The following REDIC1 variants were observed in gnomAD, a reference collection of about 807,000 sequenced individuals.
REDIC1 encodes regulator of DNA class I crossover intermediates 1, also known as HEI10 Interacting Protein 1.
At chr12:39,830,140 C>G in the REDIC1 span, 1 of 1,613,696 alleles carries the variant, frequency 6.2e-7, no homozygotes, top group South Asian at 1.1e-5. Context: ...GCTTTATTAA[C>G]TGGAACACAG....
At chr12:39,714,048 T>G in the REDIC1 span, among the ~76,000 whole-genome samples, 1 of 147,432 alleles carries the variant, frequency 6.8e-6, no homozygotes, top group Non-Finnish European at 1.5e-5. Context: ...TATATACACA[T>G]GTATATACAC....
chr12:39,700,607 G>C, the REDIC1 span, among the ~76,000 whole-genome samples: 4 of 152,058 alleles, frequency 2.6e-5, no homozygotes, highest in Admixed American at 1.3e-4. Context: ...TACTCCTCAA[G>C]AAGAGCAACA....
chr12:39,631,191 A>G, the REDIC1 span, among the ~76,000 whole-genome samples: 4 of 152,268 alleles, frequency 2.6e-5, no homozygotes, highest in East Asian at 1.9e-4. Context: ...TGCCCGGCCT[A>G]TTGAACATTT....
chr12:39,862,496 G>A, the REDIC1 span, among the ~76,000 whole-genome samples: 1 of 152,144 alleles, frequency 6.6e-6, no homozygotes, highest in Admixed American at 6.6e-5. Flanking sequence ...AACAATTTGT[G>A]CTCCCACTAA....
At chr12:39,816,062 C>T in the REDIC1 span, among the ~76,000 whole-genome samples, 4 of 152,102 alleles carry the variant, frequency 2.6e-5, no homozygotes, top group African/African-American at 4.8e-5. Flanking sequence ...ACATTTAAAT[C>T]GATGAGGCAC....
chr12:39,735,235 C>T, the REDIC1 span, among the ~76,000 whole-genome samples: 1 of 151,996 alleles, frequency 6.6e-6, no homozygotes, highest in Non-Finnish European at 1.5e-5. Context: ...GGTCTAAGGG[C>T]CTTGAAGAGA....
At chr12:39,664,814 C>T in the REDIC1 span, among the ~76,000 whole-genome samples, 2 of 152,208 alleles carry the variant, frequency 1.3e-5, no homozygotes, top group African/African-American at 4.8e-5. Context: ...ATTTGCATTT[C>T]TCTGATGGAC....
the REDIC1 span, among the ~76,000 whole-genome samples, chr12:39,773,221 T>C: frequency 3.3e-5 from 5 of 152,188 alleles, no homozygotes; most frequent in Non-Finnish European, 4.4e-5. Flanking sequence ...ACTGCAATAA[T>C]GGGAAGCTGC....
chr12:39,805,104 C>T, the REDIC1 span, among the ~76,000 whole-genome samples: 14 of 151,010 alleles, frequency 9.3e-5, no homozygotes, highest in South Asian at 4.2e-4. Context: ...TCATCAGTGA[C>T]GACAATGGAG....
At chr12:39,798,454 A>T in the REDIC1 span, among the ~76,000 whole-genome samples, 1 of 152,280 alleles carries the variant, frequency 6.6e-6, no homozygotes, top group Non-Finnish European at 1.5e-5. Context: ...AGTAACTGAA[A>T]GCAAAAGGAG....
At chr12:39,716,074 G>T in the REDIC1 span, among the ~76,000 whole-genome samples, 2 of 151,822 alleles carry the variant, frequency 1.3e-5, no homozygotes, top group Admixed American at 1.3e-4. Flanking sequence ...ATGGTTTATT[G>T]CATATAGTAG....
At chr12:39,907,279 T>C in the REDIC1 span, among the ~76,000 whole-genome samples, 6 of 152,108 alleles carry the variant, frequency 3.9e-5, no homozygotes, top group Non-Finnish European at 5.9e-5. Flanking sequence ...TGCAAAATGA[T>C]GAAAGAGAAC....
At chr12:39,884,875 A>G in the REDIC1 span, among the ~76,000 whole-genome samples, 1 of 152,232 alleles carries the variant, frequency 6.6e-6, no homozygotes, top group Non-Finnish European at 1.5e-5. Context: ...GGGTTTAGCT[A>G]GAGAAAGCAT....
chr12:39,880,532 C>T, the REDIC1 span, among the ~76,000 whole-genome samples: 1 of 152,044 alleles, frequency 6.6e-6, no homozygotes, highest in Non-Finnish European at 1.5e-5. Context: ...TATCATACTA[C>T]CATTAAATCA....
the REDIC1 span, among the ~76,000 whole-genome samples, chr12:39,719,929 C>T: frequency 1.3e-5 from 2 of 152,172 alleles, no homozygotes; most frequent in South Asian, 2.1e-4. Flanking sequence ...TTGAAATATA[C>T]ATTTTTCAGT....
At chr12:39,664,813 T>A in the REDIC1 span, among the ~76,000 whole-genome samples, 1 of 152,240 alleles carries the variant, frequency 6.6e-6, no homozygotes, top group Non-Finnish European at 1.5e-5. Flanking sequence ...GATTTGCATT[T>A]CTCTGATGGA....
At chr12:39,714,081 A>ATATATGTG in the REDIC1 span, among the ~76,000 whole-genome samples, 1 of 12,440 alleles carries the variant, frequency 8.0e-5, no homozygotes, top group African/African-American at 1.6e-4. Context: ...ACGTGTATAT[A>ATATATGTG]CACATATATG....
the REDIC1 span, among the ~76,000 whole-genome samples, chr12:39,846,889 T>C: frequency 3.9e-5 from 6 of 152,232 alleles, no homozygotes; most frequent in Middle Eastern, 3.4e-3. Context: ...AACTATATAA[T>C]AAATGGCAGA....
chr12:39,760,127 A>T, the REDIC1 span: 1 of 1,613,062 alleles, frequency 6.2e-7, no homozygotes, highest in Non-Finnish European at 8.5e-7. Flanking sequence ...GAAGTGCCAC[A>T]TGTACATAGC....
Sources: allele counts gnomAD v4.1 joint callset (sites outside exome capture counted in the v4.1 genomes callset), GRCh38; gene constraint gnomAD v4.1.1; transcripts MANE v1.5; gene names NCBI Gene and HGNC (gene_info 2026-07-23, HGNC 2026-07-21).